Variants in IPCEF1 observed in about 807,000 individuals in gnomAD.
The protein encoded by IPCEF1 is interaction protein for cytohesin exchange factors 1.
IPCEF1 carries 31 observed loss-of-function variants against 50.9 expected under a neutral mutation model. The ratio of observed to expected loss-of-function variants is 0.61; its 90% CI spans 0.46 to 0.82. IPCEF1 has a LOEUF of 0.82. Among genes scored for constraint, IPCEF1 ranks in the 40% least tolerant of loss-of-function variants. The probability of loss-of-function intolerance (pLI) is 0.00; values close to 1 mark genes in which losing one functional copy is unlikely to be tolerated. For missense variants in IPCEF1, 458 were observed against 514.0 expected (o/e 0.89, Z 1.05); for synonymous variants, 181 against 192.0 (o/e 0.94, Z 0.47).
intron 9 of IPCEF1, among the ~76,000 whole-genome samples, chr6:154,207,558 G>GT (rs113093778): frequency 0.54 from 81,349 of 150,972 alleles, 22,450 homozygotes; most frequent in East Asian, 0.69. Context: ...AACTTTTTGG[G>GT]GTTTTTTTTG....
intron 10 of IPCEF1, among the ~76,000 whole-genome samples, chr6:154,174,671 G>A (rs1800157454): frequency 6.6e-6 from 1 of 152,130 alleles, no homozygotes; most frequent in Admixed American, 6.5e-5. Flanking sequence ...GATTCATAAA[G>A]CAAGTCCTTA....
intron 10 of IPCEF1, among the ~76,000 whole-genome samples, chr6:154,184,247 A>G (rs1801144140): frequency 6.6e-6 from 1 of 152,146 alleles, no homozygotes; most frequent in African/African-American, 2.4e-5. Flanking sequence ...GCACTGGCAT[A>G]TAAAGTGATA....
At chr6:154,277,214 A>G (rs963914108) in intron 2 of IPCEF1, among the ~76,000 whole-genome samples, 5 of 152,230 alleles carry the variant, frequency 3.3e-5, no homozygotes, top group African/African-American at 1.2e-4. Flanking sequence ...CAAGGACCTC[A>G]ATTTTGCATC....
intron 1 of IPCEF1, among the ~76,000 whole-genome samples, chr6:154,351,797 A>G (rs1784123887): frequency 6.6e-6 from 1 of 152,218 alleles, no homozygotes; most frequent in Admixed American, 6.5e-5. Flanking sequence ...AGTGGCTTAA[A>G]TAGCATAAAA....
chr6:154,295,568 G>T (rs907033272), intron 1 of IPCEF1, among the ~76,000 whole-genome samples: 1 of 152,156 alleles, frequency 6.6e-6, no homozygotes, highest in African/African-American at 2.4e-5. Flanking sequence ...GAGAGCACAG[G>T]GGGTCTAGGT....
intron 11 of IPCEF1, among the ~76,000 whole-genome samples, chr6:154,167,005 G>C (rs1799491400): frequency 6.6e-6 from 1 of 151,970 alleles, no homozygotes; most frequent in South Asian, 2.1e-4. Context: ...AGGGTGTTCA[G>C]ATGTTCTACT....
chr6:154,310,340 G>A (rs184068373), intron 1 of IPCEF1, among the ~76,000 whole-genome samples: 1 of 152,308 alleles, frequency 6.6e-6, no homozygotes, highest in East Asian at 1.9e-4. Context: ...ATACCTGTTA[G>A]AATGGCTATT....
chr6:154,248,338 T>TGTGTGTAG (rs1554298775), intron 3 of IPCEF1, among the ~76,000 whole-genome samples: 6 of 148,994 alleles, frequency 4.0e-5, no homozygotes, highest in African/African-American at 1.0e-4. Flanking sequence ...TGTGTGTGTG[T>TGTGTGTAG]AGAGAGAGAG....
intron 10 of IPCEF1, among the ~76,000 whole-genome samples, chr6:154,181,415 A>T (rs1389261541): frequency 6.6e-6 from 1 of 152,166 alleles, no homozygotes; most frequent in Non-Finnish European, 1.5e-5. Context: ...TCTTTCACCA[A>T]ATTCACAAAG....
Position 154,157,655 on chromosome 6 carries a change from A to G in IPCEF1, c.*2173T>C, listed in dbSNP as rs1798769917. ...GCTCAAAAGTGTCTGGAGCTCTTCA[A>G]TTTAAGAAAAACTGGAAGTCTACAG... is the stretch of plus-strand genomic sequence containing the variant. On this transcript the variant is annotated 3_prime_UTR_variant, in exon 12 of 12. Coordinates refer to ENST00000367220, the MANE Select transcript of IPCEF1 (RefSeq NM_001130700.2). The G allele has an allele frequency of 6.6e-6, 1 of 152,234 alleles. No homozygotes were observed. The highest frequency in any genetic ancestry group is 1.5e-5 in the Non-Finnish European group (1 of 68,038). 9.4% of individuals were successfully genotyped at this position (152,234 alleles called of 1,614,324 possible).
intron 1 of IPCEF1, among the ~76,000 whole-genome samples, chr6:154,292,667 C>T (rs997314216): frequency 6.6e-6 from 1 of 152,142 alleles, no homozygotes; most frequent in Non-Finnish European, 1.5e-5. Flanking sequence ...CTTTGCCTTA[C>T]AGTTCTTATT....
chr6:154,237,285 C>G (rs932085258), intron 5 of IPCEF1, among the ~76,000 whole-genome samples: 1 of 152,242 alleles, frequency 6.6e-6, no homozygotes, highest in Non-Finnish European at 1.5e-5. Context: ...GTTAACTGAA[C>G]TCTTCCTCCA....
intron 3 of IPCEF1, among the ~76,000 whole-genome samples, chr6:154,251,416 A>G (rs986343872): frequency 1.3e-5 from 2 of 152,208 alleles, no homozygotes; most frequent in African/African-American, 4.8e-5. Context: ...CAGCTAAAAC[A>G]TATGAATAAA....
At chr6:154,276,231 G>A (rs116915246) in intron 2 of IPCEF1, among the ~76,000 whole-genome samples, 1,721 of 140,120 alleles carry the variant, frequency 0.012, 14 homozygotes, top group Non-Finnish European at 0.019. Context: ...GAAAAGGAAA[G>A]AAAGAAAGAG....
intron 2 of IPCEF1, among the ~76,000 whole-genome samples, chr6:154,278,978 A>G (rs924759145): frequency 6.4e-4 from 96 of 150,238 alleles, no homozygotes; most frequent in Non-Finnish European, 9.3e-4. Context: ...AAAAAAAAAA[A>G]GCTGGTCATG....
intron 10 of IPCEF1, among the ~76,000 whole-genome samples, chr6:154,189,893 G>A (rs756888263): frequency 1.3e-4 from 19 of 151,406 alleles, no homozygotes; most frequent in Non-Finnish European, 1.9e-4. Context: ...GCAGTGAGCC[G>A]AGAATGCACC....
At chr6:154,295,026 G>A (rs967738072) in intron 1 of IPCEF1, among the ~76,000 whole-genome samples, 5 of 152,150 alleles carry the variant, frequency 3.3e-5, no homozygotes, top group East Asian at 1.9e-4. Context: ...GTGAAAGCCC[G>A]TCTCTACTAA....
At chr6:154,344,830 A>G (rs571582050) in intron 1 of IPCEF1, among the ~76,000 whole-genome samples, 1 of 152,246 alleles carries the variant, frequency 6.6e-6, no homozygotes, top group African/African-American at 2.4e-5. Context: ...AACTTTTAGC[A>G]TACTTATTCT....
intron 8 of IPCEF1, among the ~76,000 whole-genome samples, chr6:154,213,963 G>C (rs1778174780): frequency 1.3e-5 from 2 of 152,208 alleles, no homozygotes; most frequent in South Asian, 4.1e-4. Flanking sequence ...GACTGTTTGA[G>C]ATGTCATGAA....
Sources: allele counts gnomAD v4.1 joint callset (sites outside exome capture counted in the v4.1 genomes callset), GRCh38; gene constraint gnomAD v4.1.1; transcripts MANE v1.5; gene names NCBI Gene and HGNC (gene_info 2026-07-23, HGNC 2026-07-21).